Variants in FAR1 observed in about 807,000 individuals in gnomAD.
The protein encoded by FAR1 is fatty acyl-CoA reductase 1.
FAR1 carries 22 observed loss-of-function variants against 61.1 expected under a neutral mutation model. The ratio of observed to expected loss-of-function variants is 0.36; its 90% CI spans 0.26 to 0.51. FAR1 has a LOEUF of 0.51. FAR1 is among the 20% of genes least tolerant of loss of function. The pLI is 0.95. For synonymous variants in FAR1, 206 were observed against 209.7 expected (o/e 0.98, Z 0.15); for missense variants, 359 against 626.9 (o/e 0.57, Z 4.56).
At chr11:13,673,497 A>G (rs190396337) in intron 1 of FAR1, among the ~76,000 whole-genome samples, 5 of 152,314 alleles carry the variant, frequency 3.3e-5, no homozygotes, top group African/African-American at 1.2e-4. Context: ...TTCTTTGTCT[A>G]ACTCCAAAAC....
chr11:13,710,567 G>T, intron 4 of FAR1, 126 bp from the exon 5 acceptor site: 1 of 765,990 alleles, frequency 1.3e-6, no homozygotes. Context: ...CCATTTTTCA[G>T]TAAAAGTTGT....
chr11:13,675,749 T>G (rs1386606967), intron 1 of FAR1, among the ~76,000 whole-genome samples: 1 of 152,196 alleles, frequency 6.6e-6, no homozygotes. Flanking sequence ...ACTTAAATGT[T>G]AACTATTTGA....
At chr11:13,694,666 T>C (rs1848289264) in intron 1 of FAR1, 93 bp from the exon 2 acceptor site, 5 of 1,147,098 alleles carry the variant, frequency 4.4e-6, no homozygotes, top group South Asian at 3.4e-5. Flanking sequence ...TTGTCTGCTT[T>C]TTAAAATACT....
intron 1 of FAR1, among the ~76,000 whole-genome samples, chr11:13,689,058 G>GA (rs563564563): frequency 1.8e-4 from 28 of 152,294 alleles, no homozygotes; most frequent in Admixed American, 1.2e-3. Flanking sequence ...TGCAAACTGA[G>GA]ACACTTCTGA....
In FAR1 at chr11:13,730,638, G is replaced by A. The variant is rs1200436310; in HGVS notation, c.*1864G>A. The A allele has an allele frequency of 1.3e-5, 2 of 152,054 alleles. No individual in the cohort carries two copies. The highest frequency in any genetic ancestry group is 1.9e-4 in the East Asian group (1 of 5,178). 9.4% of individuals were successfully genotyped at this position (152,054 alleles called of 1,614,324 possible). ...TTTGTATGATTTTTATACTTCTGCC[G>A]AATAGACTTAGAATCAGATGAATTG... On this transcript the variant is annotated 3_prime_UTR_variant, in exon 12 of 12. Transcript: ENST00000354817.
rs759971237 is a variant in FAR1 at position 13,728,592 on chromosome 11, T to G, written c.1386-20T>G. 1.9e-6 allele frequency: 3 copies of G among 1,604,590 alleles called. No individual in the cohort carries two copies. Among genetic ancestry groups the G allele is most frequent in the Non-Finnish European group, 2.6e-6 (3 of 1,172,864 alleles). On this transcript the variant is annotated intron_variant, in intron 11 of 11. Transcript: ENST00000354817. ...TTTCTAGAAAATACTGTCTAACATA[T>G]CTCTTGATTTGCTTTCCAGGTTGCG...
chr11:13,713,963 CTA>C (rs1247737261), intron 8 of FAR1, among the ~76,000 whole-genome samples: 1 of 151,956 alleles, frequency 6.6e-6, no homozygotes, highest in Non-Finnish European at 1.5e-5. Context: ...ATTTTAGTGA[CTA>C]TCTCAATATA....
chr11:13,719,789 C>A (rs1268359559), intron 9 of FAR1: 2 of 152,060 alleles, frequency 1.3e-5, no homozygotes, highest in Non-Finnish European at 2.9e-5. Context: ...AGATAGCCCT[C>A]CACACGAAAG....
At chr11:13,697,022 C>T (rs898348024) in intron 2 of FAR1, among the ~76,000 whole-genome samples, 2 of 152,188 alleles carry the variant, frequency 1.3e-5, no homozygotes, top group Admixed American at 1.3e-4. Context: ...TTCCTGGCCT[C>T]ACTCACTCTT....
chr11:13,694,580 T>C (rs1260060609), intron 1 of FAR1, among the ~76,000 whole-genome samples, 179 bp from the exon 2 acceptor site: 1 of 152,202 alleles, frequency 6.6e-6, no homozygotes, highest in African/African-American at 2.4e-5. Context: ...TAAGCTATAG[T>C]TCTCATTCTT....
At chr11:13,690,917 T>A (rs1848242512) in intron 1 of FAR1, among the ~76,000 whole-genome samples, 1 of 152,260 alleles carries the variant, frequency 6.6e-6, no homozygotes, top group South Asian at 2.1e-4. Context: ...AGAGGTCTTA[T>A]ATATCTTTTC....
At chr11:13,671,175 G>C (rs1287765371) in intron 1 of FAR1, among the ~76,000 whole-genome samples, 1 of 152,186 alleles carries the variant, frequency 6.6e-6, no homozygotes. Context: ...GGCGTGGAGT[G>C]AATCAGGGAA....
chr11:13,718,640 T>C (rs1209640181), intron 9 of FAR1, among the ~76,000 whole-genome samples: 1 of 152,216 alleles, frequency 6.6e-6, no homozygotes, highest in African/African-American at 2.4e-5. Context: ...TGAGATTTGT[T>C]AATCTGTTTT....
chr11:13,680,757 A>T (rs1466793016), intron 1 of FAR1, among the ~76,000 whole-genome samples: 1 of 152,084 alleles, frequency 6.6e-6, no homozygotes, highest in Non-Finnish European at 1.5e-5. Context: ...ACATGACCCA[A>T]ACACCTCCCA....
chr11:13,676,374 G>A (rs1291353902), intron 1 of FAR1, among the ~76,000 whole-genome samples: 1 of 152,104 alleles, frequency 6.6e-6, no homozygotes, highest in Admixed American at 6.5e-5. Context: ...ATGAATAAAT[G>A]CATAAATACC....
intron 10 of FAR1, among the ~76,000 whole-genome samples, chr11:13,723,974 A>G (rs1848642290): frequency 6.6e-6 from 1 of 152,154 alleles, no homozygotes; most frequent in African/African-American, 2.4e-5. Flanking sequence ...CTTGCAGATG[A>G]TTTGCAGCAT....
At chr11:13,725,149 T>C (rs1221104951) in intron 10 of FAR1, among the ~76,000 whole-genome samples, 2 of 152,372 alleles carry the variant, frequency 1.3e-5, no homozygotes, top group South Asian at 4.1e-4. Flanking sequence ...AATTATCCTA[T>C]GAACATTCTT....
chr11:13,672,466 G>A (rs1319350641), intron 1 of FAR1, among the ~76,000 whole-genome samples: 1 of 151,268 alleles, frequency 6.6e-6, no homozygotes, highest in African/African-American at 2.4e-5. Context: ...TGAGATGGGA[G>A]CCTGGGAGGT....
intron 1 of FAR1, among the ~76,000 whole-genome samples, chr11:13,689,629 C>T (rs1218043752): frequency 6.6e-6 from 1 of 152,082 alleles, no homozygotes; most frequent in African/African-American, 2.4e-5. Flanking sequence ...AACATATGTA[C>T]TTATTTCTAT....
Sources: gnomAD v4.1 joint callset for allele counts (sites outside exome capture counted in the v4.1 genomes callset) on GRCh38, gnomAD v4.1.1 for gene constraint, MANE v1.5 for transcripts, NCBI Gene and HGNC (gene_info 2026-07-23, HGNC 2026-07-21) for gene names.